The following FLI1 variants were observed in gnomAD, a reference collection of about 807,000 sequenced individuals.
The protein encoded by FLI1 is Fli-1 proto-oncogene, ETS transcription factor.
In FLI1, 13 loss-of-function variants were observed where a neutral mutation model predicts 53.1. The observed-to-expected ratio is 0.24, with a 90% confidence interval of 0.16 to 0.39. The LOEUF is 0.39. Ranked by LOEUF, FLI1 falls within the 10% of genes least tolerant of loss-of-function variation. The pLI is 1.00. For missense variants in FLI1, 424 were observed against 600.5 expected (o/e 0.71, Z 3.07); for synonymous variants, 244 against 236.7 (o/e 1.03, Z -0.28).
intron 2 of FLI1, among the ~76,000 whole-genome samples, chr11:128,766,673 C>T (rs1591794505): frequency 6.6e-6 from 1 of 151,954 alleles, no homozygotes; most frequent in East Asian, 2.0e-4. Context: ...TAGTGACTGC[C>T]GTCCCTGCTT....
chr11:128,777,302 A>G (rs1324568885), intron 4 of FLI1, among the ~76,000 whole-genome samples: 2 of 150,546 alleles, frequency 1.3e-5, no homozygotes, highest in Non-Finnish European at 2.9e-5. Context: ...TAAGTTTTAC[A>G]AACAAGTTCG....
chr11:128,695,967 G>A (rs1211035907), intron 1 of FLI1: 3 of 152,204 alleles, frequency 2.0e-5, no homozygotes, highest in African/African-American at 7.2e-5. Flanking sequence ...GGGTCTTGAT[G>A]TGGACACCCT....
intron 5 of FLI1, among the ~76,000 whole-genome samples, chr11:128,796,502 T>C (rs1435381389): frequency 2.0e-5 from 3 of 152,242 alleles, no homozygotes; most frequent in Non-Finnish European, 1.5e-5. Flanking sequence ...TTAGATAATG[T>C]CTGAGGTCCT....
At chr11:128,757,781 C>T (rs761305071) in intron 1 of FLI1, among the ~76,000 whole-genome samples, 7 of 152,220 alleles carry the variant, frequency 4.6e-5, no homozygotes, top group Non-Finnish European at 7.3e-5. Flanking sequence ...CACCACAATA[C>T]TATATTCCAT....
At chr11:128,714,591 T>C (rs762516017) in intron 1 of FLI1, among the ~76,000 whole-genome samples, 1 of 152,228 alleles carries the variant, frequency 6.6e-6, no homozygotes, top group Non-Finnish European at 1.5e-5. Context: ...TACCTCATTA[T>C]TACTTTAAAC....
rs184610308 is a variant in FLI1, at chr11:128,783,639, A to G, written c.655+1616A>G. Among the ~76,000 whole-genome samples the G allele has an allele frequency of 1.8e-3, 273 of 152,304 alleles. 2 individuals carry two copies. The highest frequency in any genetic ancestry group is 5.9e-3 in the African/African-American group (244 of 41,568). ...GAAAATACATTTTAGTGGCAAACGC[A>G]TTAGATTGAAGGTCAGGGCACCTTT... On this transcript the variant is annotated intron_variant, in intron 5 of 8. Transcript: ENST00000527786.
chr11:128,790,297 C>T (rs1565501874), intron 5 of FLI1, among the ~76,000 whole-genome samples: 1 of 140,508 alleles, frequency 7.1e-6, no homozygotes, highest in East Asian at 2.0e-4. Context: ...GAGAGAGAGA[C>T]AGAGAGAGAG....
chr11:128,698,829 A>T (rs1003704055), intron 1 of FLI1, among the ~76,000 whole-genome samples: 1 of 152,126 alleles, frequency 6.6e-6, no homozygotes, highest in African/African-American at 2.4e-5. Flanking sequence ...ATGAAAAATA[A>T]ATAAAATTGT....
chr11:128,714,892 A>G (rs1938943855), intron 1 of FLI1, among the ~76,000 whole-genome samples: 1 of 151,996 alleles, frequency 6.6e-6, no homozygotes, highest in South Asian at 2.1e-4. Flanking sequence ...TATTTTTAGT[A>G]GAGACGGGGT....
At chr11:128,785,783 A>C (rs1188070036) in intron 5 of FLI1, among the ~76,000 whole-genome samples, 1 of 152,208 alleles carries the variant, frequency 6.6e-6, no homozygotes, top group African/African-American at 2.4e-5. Flanking sequence ...CACTCATAGG[A>C]GGTAACTGTC....
intron 5 of FLI1, among the ~76,000 whole-genome samples, chr11:128,791,792 A>T (rs994454472): frequency 6.6e-6 from 1 of 152,182 alleles, no homozygotes; most frequent in Non-Finnish European, 1.5e-5. Flanking sequence ...AGCAAAACTG[A>T]TAAAGAGCAG....
chr11:128,700,815 C>G (rs1938297215), intron 1 of FLI1, among the ~76,000 whole-genome samples: 1 of 152,104 alleles, frequency 6.6e-6, no homozygotes, highest in South Asian at 2.1e-4. Flanking sequence ...GTCAAGGCTA[C>G]AATCAGCCAT....
chr11:128,721,971 T>C (rs1267687819), intron 1 of FLI1, among the ~76,000 whole-genome samples: 1 of 152,168 alleles, frequency 6.6e-6, no homozygotes, highest in East Asian at 1.9e-4. Flanking sequence ...CCTGGTCATC[T>C]TGAGTAGTGG....
chr11:128,764,653 G>A (rs190160221), intron 2 of FLI1: 396 of 1,532,518 alleles, frequency 2.6e-4, no homozygotes, highest in Non-Finnish European at 3.1e-4. Context: ...CTTCACAGGC[G>A]CCAGCTGCCT....
intron 2 of FLI1, among the ~76,000 whole-genome samples, chr11:128,763,588 G>GCC (rs1438973058): frequency 6.6e-6 from 1 of 152,182 alleles, no homozygotes; most frequent in Non-Finnish European, 1.5e-5. Flanking sequence ...CCCTGGCCTG[G>GCC]CCCCCAGGGT....
upstream of FLI1, among the ~76,000 whole-genome samples, chr11:128,689,453 G>A (rs2135675595): frequency 6.6e-6 from 1 of 152,268 alleles, no homozygotes; most frequent in East Asian, 1.9e-4. Context: ...TCAGCCTGAG[G>A]ATTGGGCCCA....
At position 128,812,319 on chromosome 11, in the gene FLI1, T is replaced by G. The variant is rs1298905004; in HGVS notation, c.*1331T>G. 2 of 218,900 alleles carry G rather than the reference T, an allele frequency of 9.1e-6. No individual in the cohort carries two copies. The highest frequency in any genetic ancestry group is 1.8e-5 in the Non-Finnish European group (2 of 109,028). The allele number at this position is 218,900 out of a possible 1,614,324, so 13.6% of individuals were successfully genotyped here. ...AAAATATATATAATTTTGCAGGTAA[T>G]TGTTGACTTTTTTAACTATATTAAG... On this transcript the variant is annotated 3_prime_UTR_variant, in exon 9 of 9. Coordinates refer to ENST00000527786, the MANE Select transcript of FLI1 (RefSeq NM_002017.5).
intron 5 of FLI1, among the ~76,000 whole-genome samples, chr11:128,800,481 C>CAG (rs1942601743): frequency 6.6e-6 from 1 of 152,148 alleles, no homozygotes; most frequent in South Asian, 2.1e-4. Context: ...GCAGAGGCAT[C>CAG]AGAGCAGAAG....
rs671587 is a variant in FLI1, at chr11:128,759,630, G to A, written c.230+1304G>A. 4.6e-3 allele frequency among the ~76,000 whole-genome samples: 699 copies of A among 152,314 alleles called. 3 individuals are homozygous for A. Among genetic ancestry groups the A allele is most frequent in the Non-Finnish European group, 7.8e-3 (530 of 68,022 alleles). ...TGCATGACAGGAAAGAATCAAAGGC[G>A]ACTAAAGCCTGCACATTTTAAAGGC... On this transcript the variant is annotated intron_variant, in intron 2 of 8. Coordinates refer to ENST00000527786, the MANE Select transcript of FLI1 (RefSeq NM_002017.5).
Sources: gnomAD v4.1 joint callset for allele counts (sites outside exome capture counted in the v4.1 genomes callset) on GRCh38, gnomAD v4.1.1 for gene constraint, MANE v1.5 for transcripts, NCBI Gene and HGNC (gene_info 2026-07-23, HGNC 2026-07-21) for gene names.